The following CACNG7 variants were observed in gnomAD, a reference collection of about 807,000 sequenced individuals.
The protein encoded by CACNG7 is calcium voltage-gated channel auxiliary subunit gamma 7.
Under a neutral mutation model 26.3 loss-of-function variants are expected in CACNG7, and 9 were observed. The ratio of observed to expected loss-of-function variants is 0.34; its 90% CI spans 0.21 to 0.60. The LOEUF is 0.60. Among genes scored for constraint, CACNG7 ranks in the 20% least tolerant of loss-of-function variants. CACNG7 has a pLI of 0.81. For synonymous variants in CACNG7, 170 were observed against 157.0 expected, an observed-to-expected ratio of 1.08 and a Z score of -0.62; for missense variants, 297 against 380.4, an observed-to-expected ratio of 0.78 and a Z score of 1.82.
chr19:53,925,944 G>T (rs11672982), intron 4 of CACNG7, among the ~76,000 whole-genome samples: 59,329 of 151,936 alleles, frequency 0.39, 12,289 homozygotes, highest in African/African-American at 0.51. Context: ...ACGGGCATTG[G>T]TTTTTTTCCA....
intron 4 of CACNG7, among the ~76,000 whole-genome samples, chr19:53,929,878 C>T (rs2069059503): frequency 1.3e-5 from 2 of 152,114 alleles, no homozygotes; most frequent in Non-Finnish European, 2.9e-5. Flanking sequence ...ATGGGCTTTT[C>T]TAGATGTTCC....
chr19:53,913,163 A>G, intron 2 of CACNG7, 136 bp downstream of exon 2: 1 of 766,732 alleles, frequency 1.3e-6, no homozygotes, highest in Non-Finnish European at 2.0e-6. Flanking sequence ...TCAAATTTCT[A>G]CGTGGAGCCC....
chr19:53,910,375 G>A (rs1283302808), intron 1 of CACNG7, among the ~76,000 whole-genome samples: 1 of 151,894 alleles, frequency 6.6e-6, no homozygotes, highest in Non-Finnish European at 1.5e-5. Context: ...GGGGGAAGGA[G>A]GGGGGATCTG....
At chr19:53,933,813 C>T (rs537337989) in intron 4 of CACNG7, among the ~76,000 whole-genome samples, 1 of 152,070 alleles carries the variant, frequency 6.6e-6, no homozygotes, top group East Asian at 1.9e-4. Context: ...TTAGCTTGCT[C>T]CATGTCATCG....
At chr19:53,941,994 G>A (rs750982803) in intron 5 of CACNG7, 42 bp from the exon 6 acceptor site, 3 of 1,532,032 alleles carry the variant, frequency 2.0e-6, no homozygotes, top group Non-Finnish European at 2.6e-6. Flanking sequence ...CCGGGGATGC[G>A]CAGGGGGGCG....
chr19:53,927,442 G>A (rs1474335095), intron 4 of CACNG7, among the ~76,000 whole-genome samples: 1 of 152,166 alleles, frequency 6.6e-6, no homozygotes, highest in Non-Finnish European at 1.5e-5. Context: ...AAAGGTGACA[G>A]CTAAGTTGAT....
At chr19:53,920,083 G>T (rs1415544877) in intron 4 of CACNG7, among the ~76,000 whole-genome samples, 1 of 117,866 alleles carries the variant, frequency 8.5e-6, no homozygotes. Flanking sequence ...TGGTGGAGTT[G>T]CCCCAGGCTG....
chr19:53,921,285 C>T (rs1433511815), intron 4 of CACNG7, among the ~76,000 whole-genome samples: 1 of 128,980 alleles, frequency 7.8e-6, no homozygotes, highest in Admixed American at 7.4e-5. Flanking sequence ...GGTGGAGTTG[C>T]CTCAGGTCTG....
In CACNG7 at chr19:53,912,890, G is replaced by A. The variant is rs542656015; in HGVS notation, c.59G>A (p.Gly20Asp). The A allele has an allele frequency of 6.2e-6, 10 of 1,614,020 alleles. No homozygotes were observed. In the South Asian group the frequency reaches 9.9e-5, roughly 16 times the overall value. The stretch of plus-strand genomic sequence containing the variant: ...CTGAGCAGCGTGTTTGGTGCGTGTG[G>A]CCTGCTCCTGGTAGGCATCGCGGTC... ...TLLSSVFGAC[G>D]LLLVGIAVST... The change falls in exon 2 of 6, where the codon GGC (glycine) becomes GAC (aspartate). Residue 20 changes from glycine (G) to aspartate (D), a missense_variant. Physicochemically the swap from Gly to Asp is moderately conservative, Grantham distance 94 (BLOSUM62 -1). Transcript: ENST00000391767. The surrounding 1 kb of genome is among the most constrained non-coding windows in gnomAD (Gnocchi z 4.6).
chr19:53,914,377 C>T (rs1034437705), intron 2 of CACNG7, 123 bp from the exon 3 acceptor site: 1 of 709,440 alleles, frequency 1.4e-6, no homozygotes, highest in South Asian at 1.7e-5. Context: ...CAGCTCGTAA[C>T]CCTTGGGTTA....
chr19:53,919,270 G>A (rs1457042930), intron 4 of CACNG7, among the ~76,000 whole-genome samples: 1 of 152,246 alleles, frequency 6.6e-6, no homozygotes, highest in Non-Finnish European at 1.5e-5. Flanking sequence ...ACTGCCTCCT[G>A]TTCGCAATGA....
At chr19:53,926,719 C>T (rs2069033479) in intron 4 of CACNG7, among the ~76,000 whole-genome samples, 1 of 151,954 alleles carries the variant, frequency 6.6e-6, no homozygotes, top group South Asian at 2.1e-4. Context: ...TCGAGACCAG[C>T]CTGGCCAACA....
At position 53,942,187 on chromosome 19, in the gene CACNG7, GGAGCCCCTCC is replaced by G; in HGVS notation, c.725_734del (p.Ser242ThrfsTer10). 1 of 1,614,032 alleles carries G rather than the reference GGAGCCCCTCC, an allele frequency of 6.2e-7. No individual in the cohort carries two copies. Among genetic ancestry groups the G allele is most frequent in the Non-Finnish European group, 8.5e-7 (1 of 1,179,956 alleles). On this transcript the variant is annotated frameshift_variant, in exon 6 of 6. Transcript: ENST00000391767. LOFTEE classifies it high-confidence loss of function. The surrounding 1 kb of genome is among the most constrained non-coding windows in gnomAD (Gnocchi z 5.9). ...CAGCCCGAGGCGTGGCGCCGCGGCC[GGAGCCCCTCC>G]GACATCTCCAGCGACGTGTCCATCC...
intron 1 of CACNG7, among the ~76,000 whole-genome samples, chr19:53,911,481 A>C (rs1380006449): frequency 6.6e-6 from 1 of 152,184 alleles, no homozygotes; most frequent in Non-Finnish European, 1.5e-5. Flanking sequence ...TTCCAGGTCC[A>C]GGAGCCTGCC....
At chr19:53,934,690 T>C (rs1246828960) in intron 4 of CACNG7, among the ~76,000 whole-genome samples, 1 of 151,996 alleles carries the variant, frequency 6.6e-6, no homozygotes, top group Admixed American at 6.6e-5. Context: ...GGAGGATCAC[T>C]TGAGCCCAGG....
rs746684202 is a variant in CACNG7 at position 53,912,792 on chromosome 19, C to T, written c.-29-11C>T. ...CCCATGGAGCTCTGCACTGTAGCTT[C>T]CCTTCCACAGGCCCCGCAGGGCGCC... On this transcript the variant is annotated splice_polypyrimidine_tract_variant and intron_variant, in intron 1 of 5. Coordinates refer to ENST00000391767, the MANE Select transcript of CACNG7 (RefSeq NM_031896.5). This position sits in a 1 kb window ranked among gnomAD's most constrained non-coding sequence, Gnocchi z 4.6. The T allele has an allele frequency of 5.0e-6, 8 of 1,603,800 alleles. No homozygotes were observed. The African/African-American group carries it at 1.1e-4, about 21-fold the overall frequency.
chr19:53,914,453 A>T lies in CACNG7; in HGVS notation c.197-47A>T, dbSNP rs368647936. On this transcript the variant is annotated intron_variant, in intron 2 of 5. Coordinates refer to ENST00000391767, the MANE Select transcript of CACNG7 (RefSeq NM_031896.5). ...CTGCCCCCACCCCCAGCCTCTCTAG[A>T]GCTTAGGAGCCTCTCATCCAGCCCT... The T allele has an allele frequency of 5.0e-5, 78 of 1,560,284 alleles. No individual in the cohort carries two copies. In the African/African-American group the frequency reaches 1.0e-3, roughly 20 times the overall value.
intron 4 of CACNG7, among the ~76,000 whole-genome samples, chr19:53,938,316 C>T (rs1367313975): frequency 6.6e-6 from 1 of 151,946 alleles, no homozygotes; most frequent in African/African-American, 2.4e-5. Context: ...CCAATGCACT[C>T]CTGCCTGGAC....
At chr19:53,922,454 G>C (rs2068968911) in intron 4 of CACNG7, among the ~76,000 whole-genome samples, 1 of 96,678 alleles carries the variant, frequency 1.0e-5, no homozygotes, top group Non-Finnish European at 2.1e-5. Context: ...GTTGTCCCAG[G>C]CTGGTCATTG....
Sources: allele counts gnomAD v4.1 joint callset (sites outside exome capture counted in the v4.1 genomes callset), GRCh38; gene constraint gnomAD v4.1.1; non-coding constraint Gnocchi (gnomAD v3.1); transcripts MANE v1.5; gene names NCBI Gene and HGNC (gene_info 2026-07-23, HGNC 2026-07-21).